The following SLCO2B1 variants were observed in gnomAD, a reference collection of about 807,000 sequenced individuals.
SLCO2B1 encodes the protein OATP-RP2.
A neutral mutation model predicts 67.3 loss-of-function variants in SLCO2B1; 41 were observed. The observed-to-expected ratio is 0.61, with a 90% confidence interval of 0.47 to 0.79. The LOEUF is 0.79. Among genes scored for constraint, SLCO2B1 ranks in the 30% least tolerant of loss-of-function variants. The pLI is 0.00. For synonymous variants in SLCO2B1, 379 were observed against 381.4 expected, an observed-to-expected ratio of 0.99 and a Z score of 0.07; for missense variants, 837 against 920.1, an observed-to-expected ratio of 0.91 and a Z score of 1.17.
rs778641549 is a variant in SLCO2B1 at position 75,186,240 on chromosome 11, G to A, written c.973-1896G>A. On this transcript the variant is annotated intron_variant, in intron 7 of 13. Coordinates refer to ENST00000289575, the MANE Select transcript of SLCO2B1 (RefSeq NM_007256.5). ...TTTTTTTTTTTTGAGAGGGAGTCTC[G>A]CTCTGTTGCCCAGGCTGGAGTGCAG... Among the ~76,000 whole-genome samples the A allele has an allele frequency of 9.3e-5, 14 of 149,916 alleles. No individual in the cohort carries two copies. In the East Asian group the frequency reaches 9.8e-4, roughly 10 times the overall value.
intron 9 of SLCO2B1, chr11:75,196,120 C>T (rs1009266974): frequency 2.3e-5 from 4 of 174,746 alleles, no homozygotes; most frequent in African/African-American, 7.2e-5. Context: ...GTCTCCTGAT[C>T]GGGTCCCACA....
chr11:75,164,437 T>C (rs1949862174), intron 3 of SLCO2B1, among the ~76,000 whole-genome samples: 1 of 152,148 alleles, frequency 6.6e-6, no homozygotes, highest in South Asian at 2.1e-4. Flanking sequence ...AGAAAGCCAC[T>C]TCAACAGTAG....
At chr11:75,168,145 G>A (rs1017431074) in intron 4 of SLCO2B1, among the ~76,000 whole-genome samples, 4 of 152,054 alleles carry the variant, frequency 2.6e-5, no homozygotes, top group African/African-American at 4.8e-5. Context: ...CACCCTGCTC[G>A]GCCTCCCAAA....
At chr11:75,187,500 A>G (rs887704063) in intron 7 of SLCO2B1, among the ~76,000 whole-genome samples, 16 of 152,148 alleles carry the variant, frequency 1.1e-4, no homozygotes, top group African/African-American at 3.9e-4. Flanking sequence ...TTTGGGTAAC[A>G]TTGGTGGTGA....
intron 8 of SLCO2B1, among the ~76,000 whole-genome samples, chr11:75,189,144 G>A (rs1944981042): frequency 6.6e-6 from 1 of 152,200 alleles, no homozygotes; most frequent in Admixed American, 6.5e-5. Flanking sequence ...TACGAACTCA[G>A]TCTATCAGTA....
intron 2 of SLCO2B1, among the ~76,000 whole-genome samples, chr11:75,163,457 G>C (rs565730512): frequency 6.6e-6 from 1 of 152,072 alleles, no homozygotes; most frequent in Admixed American, 6.5e-5. Flanking sequence ...GAGGACTAGT[G>C]GGGGTGGGAT....
chr11:75,169,638 G>A, intron 5 of SLCO2B1, 28 bp from the exon 6 acceptor site: 1 of 1,580,748 alleles, frequency 6.3e-7, no homozygotes, highest in Non-Finnish European at 8.6e-7. Context: ...CAGGGCCAGA[G>A]GATCCTAACT....
chr11:75,162,195 C>T (rs1392062449), intron 1 of SLCO2B1, among the ~76,000 whole-genome samples: 1 of 152,146 alleles, frequency 6.6e-6, no homozygotes, highest in Non-Finnish European at 1.5e-5. Flanking sequence ...TGACCCTGCA[C>T]CTGCCCCAGA....
In SLCO2B1 at chr11:75,169,312, G is replaced by C. The variant is rs75987864; in HGVS notation, c.588G>C (p.Gln196His). ...TGGTGGGGATCATGTTCGTGGCACAGACCCTGCTGGGCGTGGGCGGGGTGC... is the reference window on the plus strand; with the variant it reads ...TGGTGGGGATCATGTTCGTGGCACACACCCTGCTGGGCGTGGGCGGGGTGC... Reference protein sequence around the residue: ...LSVVGIMFVAQTLLGVGGVPI... With the variant: ...LSVVGIMFVAHTLLGVGGVPI... Residue 196 changes from glutamine (Q) to histidine (H), a missense_variant, in exon 5 of 14, where the codon CAG becomes CAC. Transcript: ENST00000289575. 6.2e-7 allele frequency: 1 copy of C among 1,614,130 alleles called. No individual in the cohort carries two copies.
In SLCO2B1 at chr11:75,159,430, C is replaced by G. The variant is rs532329261; in HGVS notation, c.17-3225C>G. On this transcript the variant is annotated intron_variant, in intron 1 of 13. Coordinates refer to ENST00000289575, the MANE Select transcript of SLCO2B1 (RefSeq NM_007256.5). ...ACCGCCTGCCCAGCCCAGGTTCAGTCCCATGGCCGTCCCATCCTCCTGTCA... is the reference window on the plus strand; with the variant it reads ...ACCGCCTGCCCAGCCCAGGTTCAGTGCCATGGCCGTCCCATCCTCCTGTCA... Among the ~76,000 whole-genome samples the G allele has an allele frequency of 2.4e-3, 372 of 152,318 alleles. 4 individuals carry two copies. The highest frequency in any genetic ancestry group is 8.3e-3 in the African/African-American group (344 of 41,568).
Position 75,200,358 on chromosome 11 carries a change from CCACA to C in SLCO2B1, c.1738_1741del (p.Thr580ProfsTer7). The C allele has an allele frequency of 6.2e-7, 1 of 1,610,606 alleles. No homozygotes were observed. Among genetic ancestry groups the C allele is most frequent in the Non-Finnish European group, 8.5e-7 (1 of 1,178,250 alleles). On this transcript the variant is annotated frameshift_variant, in exon 11 of 14. Transcript: ENST00000289575. LOFTEE classifies it high-confidence loss of function. ...TGGGCTCGGCCCTGGCCTGTCTCAC[CCACA>C]CACCCTCCTTCATGCTCATCCTAAG...
intron 7 of SLCO2B1, among the ~76,000 whole-genome samples, chr11:75,180,206 G>A (rs372045288): frequency 8.7e-4 from 132 of 151,002 alleles, no homozygotes; most frequent in African/African-American, 2.8e-3. Context: ...TAGTAGAGAC[G>A]GGGTTTCGCC....
At chr11:75,203,144 A>G (rs2140348860) in intron 12 of SLCO2B1, 163 bp from the exon 13 acceptor site, 1 of 1,186,396 alleles carries the variant, frequency 8.4e-7, no homozygotes, top group South Asian at 1.4e-5. Context: ...GAGTCTAGAC[A>G]GCCCGTCAGG....
In SLCO2B1 at chr11:75,169,277, C is replaced by T. The variant is rs113701638; in HGVS notation, c.553C>T (p.His185Tyr). 25 of 1,614,088 alleles carry T rather than the reference C, an allele frequency of 1.5e-5. No homozygotes were observed. Among genetic ancestry groups the T allele is most frequent in the African/African-American group, 1.3e-4 (10 of 74,946 alleles). ...CTGCTCAAGCTACACAGAAACCCAG[C>T]ATCTGAGTGTGGTGGGGATCATGTT... ...GNCSSYTETQ[H>Y]LSVVGIMFVA... The change falls in exon 5 of 14, where the codon CAT becomes TAT. Residue 185 changes from histidine (H) to tyrosine (Y), a missense_variant. By Grantham distance (83) the His-to-Tyr change is moderately conservative. Transcript: ENST00000289575.
In SLCO2B1 at chr11:75,151,261, C is replaced by G; in HGVS notation, c.-121C>G. 1.2e-6 allele frequency: 1 copy of G among 832,750 alleles called. No homozygotes were observed. Among genetic ancestry groups the G allele is most frequent in the Admixed American group, 2.2e-5 (1 of 45,642 alleles). The allele number at this position is 832,750 out of a possible 1,614,324, so 51.6% of individuals were successfully genotyped here. A position where few individuals can be genotyped will look rare whatever the true frequency, so the allele number is the denominator to read the frequency against. ...TGGAGCTCCCACCGTTATTGCATCC[C>G]TGCTGTGGCTCACCTGCTGCTGTCT... On this transcript the variant is annotated 5_prime_UTR_variant, in exon 1 of 14. Coordinates refer to ENST00000289575, the MANE Select transcript of SLCO2B1 (RefSeq NM_007256.5).
intron 10 of SLCO2B1, among the ~76,000 whole-genome samples, chr11:75,199,149 T>C (rs1192306066): frequency 6.6e-6 from 1 of 152,122 alleles, no homozygotes; most frequent in African/African-American, 2.4e-5. Flanking sequence ...CAGGGGCCGC[T>C]TTTCCTGCAG....
At chr11:75,179,263 T>C (rs1950066023) in intron 7 of SLCO2B1, among the ~76,000 whole-genome samples, 1 of 130,768 alleles carries the variant, frequency 7.6e-6, no homozygotes, top group African/African-American at 2.9e-5. Context: ...AGTCTCTCTC[T>C]CTCTGTTGCC....
intron 9 of SLCO2B1, among the ~76,000 whole-genome samples, chr11:75,194,545 A>G (rs1244653098): frequency 1.2e-5 from 1 of 84,804 alleles, no homozygotes; most frequent in Admixed American, 1.4e-4. Flanking sequence ...TCTCTCCCCC[A>G]TCTCCCCTCC....
intron 7 of SLCO2B1, among the ~76,000 whole-genome samples, chr11:75,174,828 A>G (rs1950004443): frequency 6.6e-6 from 1 of 152,176 alleles, no homozygotes; most frequent in South Asian, 2.1e-4. Flanking sequence ...GGGATAGGTG[A>G]CAGAAGCAAA....
Sources: allele counts gnomAD v4.1 joint callset (sites outside exome capture counted in the v4.1 genomes callset), GRCh38; gene constraint gnomAD v4.1.1; transcripts MANE v1.5; gene names NCBI Gene and HGNC (gene_info 2026-07-23, HGNC 2026-07-21).